Variants in ENPEP observed in about 807,000 individuals in gnomAD.
ENPEP encodes AP-A.
In ENPEP, 103 loss-of-function variants were observed where a neutral mutation model predicts 114.5. The ratio of observed to expected loss-of-function variants is 0.90; its 90% confidence interval spans 0.77 to 1.06. The LOEUF (loss-of-function observed/expected upper bound fraction) is 1.06. ENPEP is among the 50% of genes least tolerant of loss of function. The pLI is 0.00. For missense variants in ENPEP, 1,196 were observed against 1,161.3 expected, an observed-to-expected ratio of 1.03 and a Z score of -0.43; for synonymous variants, 420 against 422.0, an observed-to-expected ratio of 1.00 and a Z score of 0.06.
intron 5 of ENPEP, 69 bp downstream of exon 5, chr4:110,509,876 T>G (rs983090857): frequency 1.9e-5 from 29 of 1,529,090 alleles, no homozygotes; most frequent in Non-Finnish European, 2.5e-5. Flanking sequence ...ATAATTCAAA[T>G]TATTTATGAC....
intron 11 of ENPEP, 100 bp from the exon 12 acceptor site, chr4:110,542,648 ATAT>A: frequency 8.3e-7 from 1 of 1,206,638 alleles, no homozygotes; most frequent in Non-Finnish European, 1.1e-6. Context: ...CCTTGAGCTA[ATAT>A]TTCTTTTCTT....
At position 110,548,139 on chromosome 4, in the gene ENPEP, G is replaced by GTTTTTTT. The variant is rs3042468; in HGVS notation, c.2001-18_2001-12dup. 1.6e-3 allele frequency: 1,088 copies of GTTTTTTT among 691,594 alleles called. 3 individuals carry two copies. Among genetic ancestry groups the GTTTTTTT allele is most frequent in the Non-Finnish European group, 1.7e-3 (925 of 539,380 alleles). The allele number at this position is 691,594 out of a possible 1,614,324, so 42.8% of individuals were successfully genotyped here. On this transcript the variant is annotated intron_variant, in intron 13 of 19. Transcript: ENST00000265162. Reference sequence around the variant, plus strand: ...GTCTGTGGTTTTTAATTAACTGTGAGTTTTTTTTTTTTTTTTTTTTTTTTT... The same window carrying GTTTTTTT: ...GTCTGTGGTTTTTAATTAACTGTGAGTTTTTTTTTTTTTTTTTTTTTTTTTTTTTTTT...
chr4:110,516,419 C>G (rs182227321), intron 8 of ENPEP, among the ~76,000 whole-genome samples: 175 of 152,256 alleles, frequency 1.1e-3, no homozygotes, highest in African/African-American at 4.0e-3. Context: ...TGGCCCCATT[C>G]CAGCCTAGAA....
Position 110,561,723 on chromosome 4 carries a change from G to A in ENPEP, c.*165G>A, listed in dbSNP as rs549266928. ...CAAAGCCTTTAAATTGTTCCTCTTT[G>A]TTTATGAAGAAAGATACTAATAGAG... On this transcript the variant is annotated 3_prime_UTR_variant, in exon 20 of 20. Coordinates refer to ENST00000265162, the MANE Select transcript of ENPEP (RefSeq NM_001977.4). 22 of 632,310 alleles carry A rather than the reference G, an allele frequency of 3.5e-5. No homozygotes were observed. In the African/African-American group the frequency reaches 4.0e-4, roughly 12 times the overall value. 39.2% of individuals were successfully genotyped at this position (632,310 alleles called of 1,614,324 possible). A position where few individuals can be genotyped will look rare whatever the true frequency, so the allele number is the denominator to read the frequency against.
chr4:110,506,845 A>G (rs2110350910), intron 4 of ENPEP, 88 bp downstream of exon 4: 2 of 1,141,640 alleles, frequency 1.8e-6, no homozygotes, highest in Admixed American at 2.7e-5. Flanking sequence ...TGTCACCATC[A>G]GTTAACAGTT....
chr4:110,563,182 A>G lies in ENPEP; in HGVS notation c.*1624A>G, dbSNP rs1396212324. 4.6e-5 allele frequency: 7 copies of G among 152,176 alleles called. No individual in the cohort carries two copies. Among genetic ancestry groups the G allele is most frequent in the African/African-American group, 1.4e-4 (6 of 41,438 alleles). 9.4% of individuals were successfully genotyped at this position (152,176 alleles called of 1,614,324 possible). On this transcript the variant is annotated 3_prime_UTR_variant, in exon 20 of 20. Coordinates refer to ENST00000265162, the MANE Select transcript of ENPEP (RefSeq NM_001977.4). Reference sequence around the variant, plus strand: ...AGATTAACTTAAAATTCTGACCACAATCAGAACCAGCACTTGAAGTCTATG... The same window carrying G: ...AGATTAACTTAAAATTCTGACCACAGTCAGAACCAGCACTTGAAGTCTATG...
In ENPEP at chr4:110,491,118, T is replaced by C. The variant is rs1724692672; in HGVS notation, c.872T>C (p.Val291Ala). Residue 291 changes from valine (V) to alanine (A), a missense_variant, in exon 3 of 20, where the codon GTA (valine) becomes GCA (alanine). Coordinates refer to ENST00000265162, the MANE Select transcript of ENPEP (RefSeq NM_001977.4). ...PMSTYLVCFAVHQFDSVKRIS... is the reference protein window; with the variant it reads ...PMSTYLVCFAAHQFDSVKRIS... The stretch of plus-strand genomic sequence containing the variant: ...AGCACGTACCTGGTGTGCTTTGCTG[T>C]ACATCAATTTGACTCTGTAAAGAGA... The C allele has an allele frequency of 6.2e-7, 1 of 1,611,932 alleles. No homozygotes were observed. The highest frequency in any genetic ancestry group is 1.3e-5 in the African/African-American group (1 of 74,966).
chr4:110,515,596 A>G lies in ENPEP; in HGVS notation c.1509+154A>G, dbSNP rs2110359037. The stretch of plus-strand genomic sequence containing the variant: ...GCAAAAGATAAAAACATGATTTTAC[A>G]TCCAATTGAGTACCTACATTGTATC... On this transcript the variant is annotated intron_variant, in intron 8 of 19. Transcript: ENST00000265162. 4 of 651,642 alleles carry G rather than the reference A, an allele frequency of 6.1e-6. No individual in the cohort carries two copies. In the South Asian group the frequency reaches 7.1e-5, roughly 12 times the overall value. The allele number at this position is 651,642 out of a possible 1,614,324, so 40.4% of individuals were successfully genotyped here. A position where few individuals can be genotyped will look rare whatever the true frequency, so the allele number is the denominator to read the frequency against.
chr4:110,513,171 C>CGAAGA (rs1354339135), intron 6 of ENPEP: 1 of 295,144 alleles, frequency 3.4e-6, no homozygotes, highest in Non-Finnish European at 6.1e-6. Context: ...GCAGAATTCA[C>CGAAGA]AGAAGTTGAT....
intron 10 of ENPEP, among the ~76,000 whole-genome samples, chr4:110,524,170 T>C (rs958413081): frequency 6.6e-6 from 1 of 152,136 alleles, no homozygotes; most frequent in Non-Finnish European, 1.5e-5. Flanking sequence ...TTAATAAATA[T>C]TGTCTAAATA....
In ENPEP at chr4:110,562,859, G is replaced by A. The variant is rs991786079; in HGVS notation, c.*1301G>A. 5 of 151,952 alleles carry A rather than the reference G, an allele frequency of 3.3e-5. No homozygotes were observed. The highest frequency in any genetic ancestry group is 7.4e-5 in the Non-Finnish European group (5 of 67,952). 9.4% of individuals were successfully genotyped at this position (151,952 alleles called of 1,614,324 possible). A position where few individuals can be genotyped will look rare whatever the true frequency, so the allele number is the denominator to read the frequency against. The stretch of plus-strand genomic sequence containing the variant: ...CAAAAATGTAAGGTAATTTAGAATC[G>A]GCTTGATGAGAATTGAAGCATATGG... On this transcript the variant is annotated 3_prime_UTR_variant, in exon 20 of 20. Transcript: ENST00000265162.
intron 8 of ENPEP, among the ~76,000 whole-genome samples, chr4:110,516,885 C>T (rs1398929620): frequency 6.6e-6 from 1 of 152,108 alleles, no homozygotes; most frequent in African/African-American, 2.4e-5. Context: ...CATCTTGTAA[C>T]TTTTCCATAA....
intron 1 of ENPEP, among the ~76,000 whole-genome samples, chr4:110,483,226 G>A (rs1403978217): frequency 6.6e-6 from 1 of 152,044 alleles, no homozygotes; most frequent in Non-Finnish European, 1.5e-5. Context: ...GAACAATCTA[G>A]AGGGGTTGTT....
chr4:110,509,184 T>C (rs1725481779), intron 4 of ENPEP, among the ~76,000 whole-genome samples: 1 of 152,248 alleles, frequency 6.6e-6, no homozygotes, highest in African/African-American at 2.4e-5. Flanking sequence ...ATTAGATTGG[T>C]ATTTCTATCA....
rs753227558 is a variant in ENPEP at position 110,516,937 on chromosome 4, C to CATT, written c.1509+1511_1509+1513dup. On this transcript the variant is annotated intron_variant, in intron 8 of 19. Coordinates refer to ENST00000265162, the MANE Select transcript of ENPEP (RefSeq NM_001977.4). ...TTATCATATATTCCCTCACTGTAAG[C>CATT]ATTATTATTATTATTATTGTTATTG... 1.4e-4 allele frequency among the ~76,000 whole-genome samples: 21 copies of CATT among 151,784 alleles called. No individual in the cohort carries two copies. The East Asian group carries it at 3.5e-3, about 25-fold the overall frequency.
intron 11 of ENPEP, among the ~76,000 whole-genome samples, chr4:110,532,718 C>T (rs1726454776): frequency 6.6e-6 from 1 of 152,028 alleles, no homozygotes; most frequent in Non-Finnish European, 1.5e-5. Context: ...CCTTCTGAAG[C>T]CCTTCTGCAC....
intron 3 of ENPEP, among the ~76,000 whole-genome samples, chr4:110,496,201 T>C (rs976330814): frequency 6.6e-6 from 1 of 152,206 alleles, no homozygotes; most frequent in Non-Finnish European, 1.5e-5. Context: ...AGGCAGAGTA[T>C]GTATGTATAT....
intron 6 of ENPEP, 127 bp from the exon 7 acceptor site, chr4:110,513,288 C>A: frequency 9.8e-7 from 1 of 1,017,790 alleles, no homozygotes; most frequent in Non-Finnish European, 1.4e-6. Flanking sequence ...AATTTGAAGA[C>A]CTAATGTTTA....
chr4:110,506,859 C>G (rs935145489), intron 4 of ENPEP, 102 bp downstream of exon 4: 33 of 1,063,220 alleles, frequency 3.1e-5, no homozygotes, highest in Non-Finnish European at 4.2e-5. Flanking sequence ...AACAGTTATC[C>G]TTAAGTCCTT....
Sources: gnomAD v4.1 joint callset for allele counts (sites outside exome capture counted in the v4.1 genomes callset) on GRCh38, gnomAD v4.1.1 for gene constraint, MANE v1.5 for transcripts, NCBI Gene and HGNC (gene_info 2026-07-23, HGNC 2026-07-21) for gene names.